Variants in CREBBP observed in about 807,000 individuals in gnomAD.
CREBBP encodes CREB-binding protein.
A neutral mutation model predicts 265.0 loss-of-function variants in CREBBP; 19 were observed. The observed-to-expected ratio is 0.07, with a 90% confidence interval of 0.05 to 0.11. The LOEUF is 0.11. CREBBP is among the 10% of genes least tolerant of loss of function. The probability of loss-of-function intolerance (pLI) is 1.00; values close to 1 mark genes in which losing one functional copy is unlikely to be tolerated. For synonymous variants in CREBBP, 1,457 were observed against 1,223.7 expected, an observed-to-expected ratio of 1.19 and a Z score of -3.98; for missense variants, 2,525 against 3,219.0, an observed-to-expected ratio of 0.78 and a Z score of 5.22.
intron 2 of CREBBP, among the ~76,000 whole-genome samples, chr16:3,827,668 G>A (rs940533953): frequency 1.3e-5 from 2 of 152,122 alleles, no homozygotes; most frequent in African/African-American, 4.8e-5. Flanking sequence ...TGGGATTACA[G>A]GCATAAGCCA....
At chr16:3,878,435 C>G (rs2055447836) in intron 1 of CREBBP, among the ~76,000 whole-genome samples, 1 of 152,172 alleles carries the variant, frequency 6.6e-6, no homozygotes, top group African/African-American at 2.4e-5. Flanking sequence ...CACTGTTTAA[C>G]AAATTTTAAC....
chr16:3,730,244 CCCTT>C (rs1378193360), intron 30 of CREBBP, among the ~76,000 whole-genome samples: 6 of 152,178 alleles, frequency 3.9e-5, no homozygotes, highest in African/African-American at 1.4e-4. Context: ...GACACCAGCC[CCCTT>C]CCTTCCGACT....
At chr16:3,777,411 G>C (rs949730030) in intron 11 of CREBBP, among the ~76,000 whole-genome samples, 1 of 152,044 alleles carries the variant, frequency 6.6e-6, no homozygotes, top group African/African-American at 2.4e-5. Flanking sequence ...CTTATCTCTT[G>C]GAAGATCTTT....
chr16:3,769,430 C>G (rs2141193620), intron 14 of CREBBP, 77 bp from the exon 15 acceptor site: 2 of 1,541,584 alleles, frequency 1.3e-6, no homozygotes, highest in Non-Finnish European at 1.8e-6. Context: ...CTCATGCAAC[C>G]TACAATTTCC....
At chr16:3,769,684 A>C (rs2052951284) in intron 14 of CREBBP, among the ~76,000 whole-genome samples, 1 of 152,174 alleles carries the variant, frequency 6.6e-6, no homozygotes, top group Non-Finnish European at 1.5e-5. Flanking sequence ...TATGGTGGTT[A>C]ATGTGTATGG....
chr16:3,873,791 C>T lies in CREBBP; in HGVS notation c.85+6041G>A, dbSNP rs76428586. Among the ~76,000 whole-genome samples the T allele has an allele frequency of 8.2e-3, 1,243 of 152,172 alleles. 17 individuals carry two copies. The highest frequency in any genetic ancestry group is 0.024 in the African/African-American group (1,000 of 41,524). ...GTGGCCGGGTGGGAGCCCATGGGTA[C>T]GGAACTCGGAAGCAAATAACAGACC... is the stretch of plus-strand genomic sequence containing the variant. On this transcript the variant is annotated intron_variant, in intron 1 of 30. Transcript: ENST00000262367.
At chr16:3,809,532 C>T (rs2053896144) in intron 3 of CREBBP, among the ~76,000 whole-genome samples, 1 of 152,168 alleles carries the variant, frequency 6.6e-6, no homozygotes, top group Non-Finnish European at 1.5e-5. Context: ...CCTGACAGGA[C>T]ACCTCATTAT....
intron 3 of CREBBP, among the ~76,000 whole-genome samples, chr16:3,808,161 G>C (rs1413945736): frequency 1.3e-5 from 2 of 148,162 alleles, no homozygotes; most frequent in Non-Finnish European, 3.0e-5. Context: ...AAAGAAGGGG[G>C]GGGCAGCGGG....
At chr16:3,782,536 T>C in intron 6 of CREBBP, 148 bp downstream of exon 6, 3 of 1,028,392 alleles carry the variant, frequency 2.9e-6, no homozygotes, top group South Asian at 1.7e-5. Context: ...TTGCATCAGA[T>C]ACTTCAGCTT....
intron 1 of CREBBP, among the ~76,000 whole-genome samples, chr16:3,866,613 CTT>C (rs35882535): frequency 6.6e-6 from 1 of 151,990 alleles, no homozygotes; most frequent in Non-Finnish European, 1.5e-5. Flanking sequence ...ACTAGTTTTT[CTT>C]TTTTCACTAT....
intron 1 of CREBBP, 90 bp from the exon 2 acceptor site, chr16:3,851,099 C>T: frequency 4.6e-6 from 5 of 1,083,560 alleles, no homozygotes; most frequent in South Asian, 3.9e-5. Context: ...CCTAATGGGG[C>T]ATTCAGCACG....
chr16:3,729,169 G>C lies in CREBBP; in HGVS notation c.5878C>G (p.Arg1960Gly), dbSNP rs772270271. The C allele has an allele frequency of 1.4e-6, 2 of 1,466,392 alleles. No individual in the cohort carries two copies. The highest frequency in any genetic ancestry group is 9.0e-7 in the Non-Finnish European group (1 of 1,106,322). 90.8% of individuals were successfully genotyped at this position (1,466,392 alleles called of 1,614,324 possible). A position where few individuals can be genotyped will look rare whatever the true frequency, so the allele number is the denominator to read the frequency against. The change falls in exon 31 of 31, where the codon CGG (arginine) becomes GGG (glycine). Residue 1960 changes from arginine (R) to glycine (G), a missense_variant. Arg to Gly is a moderately radical substitution (Grantham distance 125). Coordinates refer to ENST00000262367, the MANE Select transcript of CREBBP (RefSeq NM_004380.3). ...TGCTGGGCCTCACGCTCGATCTGCC[G>C]AGCCGCTTCCACCGCTGCAGGAGGG... ...QPPPAAVEAARQIEREAQQQQ... is the reference protein window; with the variant it reads ...QPPPAAVEAAGQIEREAQQQQ...
intron 3 of CREBBP, among the ~76,000 whole-genome samples, chr16:3,795,786 A>G (rs1417757555): frequency 2.6e-5 from 4 of 151,608 alleles, no homozygotes; most frequent in East Asian, 4.4e-4. Context: ...AATGGGAGAA[A>G]CACAAAATGA....
chr16:3,760,071 T>C (rs1259623827), intron 16 of CREBBP, among the ~76,000 whole-genome samples: 1 of 152,184 alleles, frequency 6.6e-6, no homozygotes, highest in African/African-American at 2.4e-5. Flanking sequence ...ATGTATTTTT[T>C]CTTGGTGTTC....
intron 3 of CREBBP, 106 bp downstream of exon 3, chr16:3,810,497 T>A: frequency 7.4e-7 from 1 of 1,346,440 alleles, no homozygotes; most frequent in Non-Finnish European, 1.1e-6. Context: ...TCCTATCACC[T>A]ACTGACACAC....
chr16:3,777,359 A>AG (rs373964800), intron 11 of CREBBP, among the ~76,000 whole-genome samples: 2 of 151,110 alleles, frequency 1.3e-5, no homozygotes, highest in South Asian at 4.2e-4. Context: ...AAAATAAAAT[A>AG]AAATAGAAAT....
chr16:3,779,824 T>C (rs1036820402), intron 8 of CREBBP, among the ~76,000 whole-genome samples: 16 of 152,130 alleles, frequency 1.1e-4, no homozygotes, highest in African/African-American at 3.6e-4. Context: ...CTCAACAACG[T>C]TAGGCTTGGT....
chr16:3,814,196 TTTGAGACA>T (rs2053992067), intron 2 of CREBBP, among the ~76,000 whole-genome samples: 1 of 147,618 alleles, frequency 6.8e-6, no homozygotes, highest in African/African-American at 2.6e-5. Flanking sequence ...TGTGTGTGTG[TTTGAGACA>T]GAGTCTCGTT....
intron 26 of CREBBP, among the ~76,000 whole-genome samples, chr16:3,738,075 C>G (rs1475777123): frequency 6.6e-6 from 1 of 151,226 alleles, no homozygotes; most frequent in Admixed American, 6.6e-5. Flanking sequence ...TGTGAGCCAC[C>G]GCGCCCGGCC....
Sources: allele counts gnomAD v4.1 joint callset (sites outside exome capture counted in the v4.1 genomes callset), GRCh38; gene constraint gnomAD v4.1.1; transcripts MANE v1.5; gene names NCBI Gene and HGNC (gene_info 2026-07-23, HGNC 2026-07-21).